The following PTK2B variants were observed in gnomAD, a reference collection of about 807,000 sequenced individuals.
PTK2B encodes protein tyrosine kinase 2 beta, also known as protein-tyrosine kinase 2-beta.
A neutral mutation model predicts 142.9 loss-of-function variants in PTK2B; 71 were observed. That is an observed-to-expected ratio of 0.50 (90% confidence interval 0.41 to 0.61). The LOEUF (loss-of-function observed/expected upper bound fraction) is 0.61. Among genes scored for constraint, PTK2B ranks in the 20% least tolerant of loss-of-function variants. The pLI is 0.00. For missense variants in PTK2B, 1,105 were observed against 1,320.4 expected (o/e 0.84, Z 2.53); for synonymous variants, 519 against 503.4 (o/e 1.03, Z -0.42).
At chr8:27,322,320 T>C (rs1803237830), upstream of PTK2B, 1 of 152,214 alleles carries the variant, frequency 6.6e-6, no homozygotes, top group South Asian at 2.1e-4. Flanking sequence ...CTGCCAATGA[T>C]GGGTTTTGCT....
rs138701668 is a variant in PTK2B, at chr8:27,414,105, C to T, written c.205-5790C>T. 3.8e-3 allele frequency among the ~76,000 whole-genome samples: 578 copies of T among 152,304 alleles called. 5 individuals carry two copies. Among genetic ancestry groups the T allele is most frequent in the African/African-American group, 0.013 (526 of 41,556 alleles). The stretch of plus-strand genomic sequence containing the variant: ...TTTGTTTTTATATGGCACAAAATAA[C>T]GTTCCAGGCACATCTTGTACTTTTC... On this transcript the variant is annotated intron_variant, in intron 2 of 30. Coordinates refer to ENST00000346049, the MANE Select transcript of PTK2B (RefSeq NM_173176.3).
At chr8:27,447,980 C>A (rs763880960) in intron 24 of PTK2B, among the ~76,000 whole-genome samples, 1 of 152,252 alleles carries the variant, frequency 6.6e-6, no homozygotes, top group Non-Finnish European at 1.5e-5. Flanking sequence ...CGCTTACAGT[C>A]GACCAGAAGG....
intron 20 of PTK2B, among the ~76,000 whole-genome samples, chr8:27,439,661 G>A (rs1237303216): frequency 6.6e-6 from 1 of 152,032 alleles, no homozygotes; most frequent in African/African-American, 2.4e-5. Context: ...CCACCTACCA[G>A]CCCCAGAAAC....
chr8:27,361,622 G>C (rs572038148), intron 1 of PTK2B, among the ~76,000 whole-genome samples: 22 of 152,140 alleles, frequency 1.4e-4, no homozygotes, highest in Non-Finnish European at 2.4e-4. Context: ...ACCTTGGATA[G>C]GGGGCTTATG....
chr8:27,435,332 C>T (rs1466516199), intron 13 of PTK2B, among the ~76,000 whole-genome samples: 3 of 152,246 alleles, frequency 2.0e-5, no homozygotes, highest in Non-Finnish European at 4.4e-5. Flanking sequence ...CTCCCAAAGG[C>T]CCCACCTCCT....
In PTK2B at chr8:27,444,415, CAG is replaced by C. The variant is rs888551250; in HGVS notation, c.2214+146_2214+147del. ...GTTGACTCTTCTTTGGCACCCAGAA[CAG>C]AATGCAGACTCAGATCACAAGAATT... On this transcript the variant is annotated intron_variant, in intron 23 of 30. Transcript: ENST00000346049. The C allele has an allele frequency of 3.6e-6, 3 of 845,068 alleles. No individual in the cohort carries two copies. The African/African-American group carries it at 5.1e-5, about 14-fold the overall frequency. The allele number at this position is 845,068 out of a possible 1,614,324, so 52.3% of individuals were successfully genotyped here. A position where few individuals can be genotyped will look rare whatever the true frequency, so the allele number is the denominator to read the frequency against.
intron 2 of PTK2B, among the ~76,000 whole-genome samples, chr8:27,400,696 A>G (rs1281358825): frequency 3.3e-5 from 5 of 152,202 alleles, no homozygotes; most frequent in Non-Finnish European, 7.4e-5. Context: ...GGGTGTTGGT[A>G]CTATTCATTG....
chr8:27,453,899 C>T (rs1811977176), intron 28 of PTK2B: 1 of 465,620 alleles, frequency 2.1e-6, no homozygotes, highest in African/African-American at 2.0e-5. Flanking sequence ...CCTGCCTGCA[C>T]CCTATGTCCA....
At chr8:27,456,466 A>G (rs902771121) in intron 30 of PTK2B, among the ~76,000 whole-genome samples, 2 of 152,218 alleles carry the variant, frequency 1.3e-5, no homozygotes, top group South Asian at 4.1e-4. Context: ...AAGACTTATC[A>G]ATAAATGTTG....
chr8:27,337,628 G>A (rs1223172327), intron 1 of PTK2B, among the ~76,000 whole-genome samples: 3 of 152,124 alleles, frequency 2.0e-5, no homozygotes, highest in Admixed American at 2.0e-4. Flanking sequence ...CTTTCGCGAC[G>A]GCTGCTTTCA....
intron 28 of PTK2B, among the ~76,000 whole-genome samples, chr8:27,453,797 C>T (rs377591833): frequency 1.3e-5 from 2 of 152,248 alleles, no homozygotes; most frequent in East Asian, 1.9e-4. Context: ...TTGCTTGAGC[C>T]CAGGAGGTCA....
At chr8:27,429,052 A>C (rs1464152557) in intron 5 of PTK2B, among the ~76,000 whole-genome samples, 1 of 152,020 alleles carries the variant, frequency 6.6e-6, no homozygotes, top group Admixed American at 6.6e-5. Context: ...CCCGAGTAGT[A>C]CGTGCCACCA....
intron 8 of PTK2B, 32 bp from the exon 9 acceptor site, chr8:27,431,366 T>A (rs774225363): frequency 1.5e-5 from 25 of 1,614,158 alleles, no homozygotes; most frequent in Non-Finnish European, 2.1e-5. Flanking sequence ...AGGACAGCTC[T>A]GGAACAACAG....
At chr8:27,344,696 G>A (rs576912638) in intron 1 of PTK2B, among the ~76,000 whole-genome samples, 8 of 152,204 alleles carry the variant, frequency 5.3e-5, no homozygotes, top group African/African-American at 1.9e-4. Flanking sequence ...ATCTTGGTCT[G>A]TCTACACCAG....
chr8:27,311,432 C>G, upstream of PTK2B: 1 of 679,108 alleles, frequency 1.5e-6, no homozygotes, highest in South Asian at 2.1e-5. Flanking sequence ...GCCCCACCCA[C>G]TTCCGGTGTG....
intron 5 of PTK2B, 144 bp downstream of exon 5, chr8:27,422,527 C>T: frequency 1.4e-6 from 1 of 739,240 alleles, no homozygotes; most frequent in Non-Finnish European, 2.1e-6. Context: ...GCAGGTGAGG[C>T]TCTGAGGGGC....
At chr8:27,445,230 T>C (rs186651443) in intron 23 of PTK2B, among the ~76,000 whole-genome samples, 1 of 151,928 alleles carries the variant, frequency 6.6e-6, no homozygotes, top group Non-Finnish European at 1.5e-5. Flanking sequence ...TACAATAAAA[T>C]TGTGATATAC....
intron 18 of PTK2B, 114 bp downstream of exon 18, chr8:27,437,994 C>A: frequency 1.1e-6 from 1 of 917,590 alleles, no homozygotes; most frequent in Non-Finnish European, 1.7e-6. Context: ...GGAATCCCAG[C>A]AATTGGCCCA....
chr8:27,310,661 G>T, upstream of PTK2B: 1 of 969,610 alleles, frequency 1.0e-6, no homozygotes, highest in Non-Finnish European at 1.5e-6. Flanking sequence ...AACCTGGGTC[G>T]GAGAGGTGGG....
Sources: gnomAD v4.1 joint callset for allele counts (sites outside exome capture counted in the v4.1 genomes callset) on GRCh38, gnomAD v4.1.1 for gene constraint, MANE v1.5 for transcripts, NCBI Gene and HGNC (gene_info 2026-07-23, HGNC 2026-07-21) for gene names.